SEMA3A: variants seen among roughly 807,000 people sequenced by gnomAD.
SEMA3A encodes the protein semaphorin-3A.
A neutral mutation model predicts 97.9 loss-of-function variants in SEMA3A; 29 were observed. That is an observed-to-expected ratio of 0.30 (90% CI 0.22 to 0.40). SEMA3A has a LOEUF of 0.40. SEMA3A is among the 10% of genes least tolerant of loss of function. The pLI, the probability that SEMA3A is intolerant of heterozygous loss-of-function variation, is 1.00. For synonymous variants in SEMA3A, 321 were observed against 323.7 expected (o/e 0.99, Z 0.09); for missense variants, 763 against 951.3 (o/e 0.80, Z 2.60).
At chr7:84,358,233 T>C (rs971047778) in intron 2 of SEMA3A, among the ~76,000 whole-genome samples, 1 of 152,146 alleles carries the variant, frequency 6.6e-6, no homozygotes, top group Admixed American at 6.6e-5. Context: ...CTGAACGGTA[T>C]TGCCTAGGTT....
At chr7:84,288,595 G>A (rs989169536) in intron 3 of SEMA3A, among the ~76,000 whole-genome samples, 6 of 152,118 alleles carry the variant, frequency 3.9e-5, no homozygotes, top group African/African-American at 1.4e-4. Context: ...CTACTAGGGA[G>A]GCTGAGGAAG....
rs147998383 is a variant in SEMA3A at position 84,188,675 on chromosome 7, T to A, written c.112+5800A>T. 2.8e-3 allele frequency among the ~76,000 whole-genome samples: 423 copies of A among 152,010 alleles called. 2 individuals carry two copies. The highest frequency in any genetic ancestry group is 9.6e-3 in the African/African-American group (400 of 41,538). ...TATATACAGGCACATGAATCTCTGC[T>A]TCCATCATTCTAATTGTTTAGTACC... On this transcript the variant is annotated intron_variant, in intron 1 of 16. Coordinates refer to ENST00000265362, the MANE Select transcript of SEMA3A (RefSeq NM_006080.3).
intron 1 of SEMA3A, among the ~76,000 whole-genome samples, chr7:84,395,279 T>C (rs1334077023): frequency 6.7e-6 from 1 of 149,250 alleles, no homozygotes; most frequent in Non-Finnish European, 1.5e-5. Flanking sequence ...ACCAAATAAC[T>C]AAATGCAAAA....
chr7:84,333,755 C>G (rs1411147164), intron 2 of SEMA3A, among the ~76,000 whole-genome samples: 1 of 152,012 alleles, frequency 6.6e-6, no homozygotes, highest in Admixed American at 6.6e-5. Context: ...GACTTTTATC[C>G]AAGACATATG....
At chr7:84,128,996 T>C (rs1478047509) in intron 3 of SEMA3A, 127 bp downstream of exon 3, 1 of 669,244 alleles carries the variant, frequency 1.5e-6, no homozygotes, top group Non-Finnish European at 2.6e-6. Context: ...TCTTATTATA[T>C]ATATGAAAAG....
intron 2 of SEMA3A, among the ~76,000 whole-genome samples, chr7:84,334,152 C>T (rs1344762065): frequency 1.3e-5 from 2 of 151,998 alleles, no homozygotes; most frequent in African/African-American, 4.8e-5. Context: ...CTATATAATT[C>T]CAAATCTCGG....
At chr7:83,981,296 C>T in intron 14 of SEMA3A, 25 bp downstream of exon 14, 7 of 1,609,614 alleles carry the variant, frequency 4.3e-6, no homozygotes, top group Non-Finnish European at 5.9e-6. Context: ...GCAAACATTT[C>T]ATTTATTTTG....
At chr7:84,321,872 G>GGAAAAAAA (rs1313442553) in intron 2 of SEMA3A, among the ~76,000 whole-genome samples, 1 of 12,062 alleles carries the variant, frequency 8.3e-5, no homozygotes, top group Non-Finnish European at 1.8e-4. Context: ...CGAGACTACG[G>GGAAAAAAA]AAAAAAAAAA....
At position 84,406,582 on chromosome 7, in the gene SEMA3A, C is replaced by A. The variant is rs550632278; in HGVS notation, c.-245-34682G>T. Among the ~76,000 whole-genome samples, 16 of 150,776 alleles carry A rather than the reference C, an allele frequency of 1.1e-4. No individual in the cohort carries two copies. In the East Asian group the frequency reaches 1.6e-3, roughly 15 times the overall value. On this transcript the variant is annotated intron_variant, in intron 1 of 3. Transcript: ENST00000424555. Reference sequence around the variant, plus strand: ...ACATCATCCTGATACCAAAGCCTGGCAGAGACACAACAAAAAAAAAGAGAA... The same window carrying A: ...ACATCATCCTGATACCAAAGCCTGGAAGAGACACAACAAAAAAAAAGAGAA...
chr7:84,133,864 C>T (rs1158370054), intron 2 of SEMA3A, among the ~76,000 whole-genome samples: 2 of 127,202 alleles, frequency 1.6e-5, no homozygotes, highest in African/African-American at 6.1e-5. Flanking sequence ...TCCTGGCTAA[C>T]ACGGTGAAAC....
intron 2 of SEMA3A, among the ~76,000 whole-genome samples, chr7:84,360,792 T>G (rs1802699289): frequency 6.6e-6 from 1 of 151,982 alleles, no homozygotes; most frequent in Admixed American, 6.6e-5. Flanking sequence ...CCTACATTTT[T>G]TATTTATTTT....
Position 84,050,496 on chromosome 7 carries a change from A to C in SEMA3A, c.548-4053T>G, listed in dbSNP as rs368446345. 6.6e-5 allele frequency among the ~76,000 whole-genome samples: 10 copies of C among 152,032 alleles called. No homozygotes were observed. In the East Asian group the frequency reaches 7.7e-4, roughly 12 times the overall value. The stretch of plus-strand genomic sequence containing the variant: ...ATTTTTTCATGTGTTTTTTGGCTGC[A>C]TAAATGTCTTCTTTTGAGAAGTGTC... On this transcript the variant is annotated intron_variant, in intron 5 of 16. Transcript: ENST00000265362.
intron 4 of SEMA3A, among the ~76,000 whole-genome samples, chr7:84,064,278 A>G (rs1025901887): frequency 2.3e-4 from 35 of 152,252 alleles, no homozygotes; most frequent in Non-Finnish European, 4.1e-4. Context: ...AGCACTAAAC[A>G]TGGAAAGGAA....
intron 6 of SEMA3A, among the ~76,000 whole-genome samples, chr7:84,015,443 A>T (rs1791060537): frequency 1.3e-5 from 2 of 152,178 alleles, no homozygotes; most frequent in African/African-American, 4.8e-5. Flanking sequence ...TCCTGGGTTG[A>T]TATGCCTGTG....
intron 2 of SEMA3A, among the ~76,000 whole-genome samples, chr7:84,310,353 G>C (rs1389699308): frequency 1.3e-5 from 2 of 151,654 alleles, no homozygotes; most frequent in African/African-American, 2.4e-5. Flanking sequence ...CAAAATAACT[G>C]ATCCAACCTG....
intron 1 of SEMA3A, among the ~76,000 whole-genome samples, chr7:84,143,309 T>C (rs780608135): frequency 1.3e-5 from 2 of 152,124 alleles, no homozygotes; most frequent in Non-Finnish European, 2.9e-5. Context: ...GAGGAAAATA[T>C]ACATATTAAA....
chr7:84,296,202 G>A (rs1320442971), intron 3 of SEMA3A, among the ~76,000 whole-genome samples: 1 of 151,906 alleles, frequency 6.6e-6, no homozygotes, highest in Non-Finnish European at 1.5e-5. Context: ...TTTTTTTGTG[G>A]TGGTGCTATT....
At chr7:84,216,454 A>C (rs74931029) in intron 3 of SEMA3A, among the ~76,000 whole-genome samples, 1 of 152,172 alleles carries the variant, frequency 6.6e-6, no homozygotes, top group Non-Finnish European at 1.5e-5. Context: ...TCATTGCATT[A>C]GGATATTAAG....
In SEMA3A at chr7:84,467,464, G is replaced by C. The variant is rs182456971; in HGVS notation, c.-246+24996C>G. Among the ~76,000 whole-genome samples the C allele has an allele frequency of 8.6e-4, 125 of 145,636 alleles. 1 individual carries two copies. The highest frequency in any genetic ancestry group is 3.8e-3 in the Middle Eastern group (1 of 266). ...TTGAACCTGGGAGATGGAGATTGCAGACAGCTGAGGATGCGCCACTGCACT... is the reference window on the plus strand; with the variant it reads ...TTGAACCTGGGAGATGGAGATTGCACACAGCTGAGGATGCGCCACTGCACT... On this transcript the variant is annotated intron_variant, in intron 1 of 3. Transcript: ENST00000424555.
Sources: gnomAD v4.1 joint callset for allele counts (sites outside exome capture counted in the v4.1 genomes callset) on GRCh38, gnomAD v4.1.1 for gene constraint, MANE v1.5 for transcripts, NCBI Gene and HGNC (gene_info 2026-07-23, HGNC 2026-07-21) for gene names.